The following ODAD2 variants were observed in gnomAD, a reference collection of about 807,000 sequenced individuals.
The protein encoded by ODAD2 is outer dynein arm-docking complex subunit 2.
ODAD2 carries 89 observed loss-of-function variants against 106.8 expected under a neutral mutation model. That is an observed-to-expected ratio of 0.83 (90% CI 0.70 to 0.99). The LOEUF is 0.99. Among genes scored for constraint, ODAD2 ranks in the 50% least tolerant of loss-of-function variants. ODAD2 has a pLI of 0.00. For synonymous variants in ODAD2, 404 were observed against 436.2 expected (o/e 0.93, Z 0.92); for missense variants, 1,168 against 1,238.5 (o/e 0.94, Z 0.85).
intron 10 of ODAD2, among the ~76,000 whole-genome samples, chr10:27,951,796 T>G: frequency 6.6e-6 from 1 of 152,030 alleles, no homozygotes; most frequent in Non-Finnish European, 1.5e-5. Context: ...GACATCCAGC[T>G]GGACACAGTG....
At chr10:27,990,727 C>A (rs1002887624) in intron 2 of ODAD2, among the ~76,000 whole-genome samples, 1 of 152,058 alleles carries the variant, frequency 6.6e-6, no homozygotes, top group African/African-American at 2.4e-5. Context: ...TTCATGATAT[C>A]GATCACAAAG....
At chr10:27,895,295 C>T (rs1479463197) in intron 17 of ODAD2, among the ~76,000 whole-genome samples, 1 of 152,064 alleles carries the variant, frequency 6.6e-6, no homozygotes, top group Non-Finnish European at 1.5e-5. Context: ...ACTATTTATA[C>T]TTTTATATTT....
intron 7 of ODAD2, among the ~76,000 whole-genome samples, chr10:27,978,623 T>A (rs1849338106): frequency 6.6e-6 from 1 of 151,658 alleles, no homozygotes; most frequent in Non-Finnish European, 1.5e-5. Context: ...GAAAACCCCA[T>A]CTCTACTAAA....
chr10:27,920,545 T>A (rs1266805891), intron 16 of ODAD2, among the ~76,000 whole-genome samples: 1 of 152,202 alleles, frequency 6.6e-6, no homozygotes, highest in East Asian at 1.9e-4. Context: ...TTCGGAAGAT[T>A]AAATGATTCA....
chr10:27,984,266 C>T lies in ODAD2; in HGVS notation c.600G>A (p.Thr200=), dbSNP rs1285807122. 2.5e-6 allele frequency: 4 copies of T among 1,612,646 alleles called. No individual in the cohort carries two copies. The highest frequency in any genetic ancestry group is 2.5e-6 in the Non-Finnish European group (3 of 1,178,838). ...ISLEISLSPM[T]VKKDIELLKR... is the part of the protein sequence containing the mutation. ...TGAGCAGTTCTATATCCTTCTTCAC[C>T]GTCATGGGACTTAAACTTATTTCTC... Residue 200 remains threonine (T), a synonymous_variant, in exon 5 of 20, where the codon ACG becomes ACA. Transcript: ENST00000305242.
intron 19 of ODAD2, among the ~76,000 whole-genome samples, chr10:27,851,455 A>G (rs1394791808): frequency 6.6e-6 from 1 of 152,146 alleles, no homozygotes; most frequent in Non-Finnish European, 1.5e-5. Flanking sequence ...TGGATTACAT[A>G]TGAGATTAGA....
Position 27,862,555 on chromosome 10 carries a change from T to A in ODAD2, c.2678A>T (p.Asp893Val). 6.2e-7 allele frequency: 1 copy of A among 1,611,438 alleles called. No individual in the cohort carries two copies. Among genetic ancestry groups the A allele is most frequent in the Non-Finnish European group, 8.5e-7 (1 of 1,178,852 alleles). Residue 893 changes from aspartate to valine, a missense_variant, in exon 18 of 20, where the codon GAT (aspartate) becomes GTT (valine). Around this residue, in one of 3 missense-constraint regions of ODAD2, gnomAD observed 701 missense variants for 712.3 expected, o/e 0.98. Coordinates refer to ENST00000305242, the MANE Select transcript of ODAD2 (RefSeq NM_018076.5). ...TACACTTGCCAGAACTTCTTTGTTA[T>A]CTGATTTCAGTAAATTGACAATAAG... ...LELIVNLLKS[D>V]NKEVLASVCA...
intron 16 of ODAD2, among the ~76,000 whole-genome samples, chr10:27,912,813 T>C (rs531537381): frequency 1.4e-4 from 22 of 152,080 alleles, no homozygotes; most frequent in Admixed American, 2.0e-4. Flanking sequence ...TTCAGTAAAA[T>C]GGGAAACATA....
chr10:27,970,101 A>T (rs551227607), intron 8 of ODAD2, among the ~76,000 whole-genome samples: 14 of 133,416 alleles, frequency 1.0e-4, no homozygotes, highest in Admixed American at 2.3e-4. Flanking sequence ...TCTGTCTCAA[A>T]AAATAAATAA....
At chr10:27,992,208 A>G (rs1452486014) in intron 2 of ODAD2, among the ~76,000 whole-genome samples, 1 of 152,212 alleles carries the variant, frequency 6.6e-6, no homozygotes, top group Non-Finnish European at 1.5e-5. Flanking sequence ...CTTCAAATAC[A>G]ACAGCAATAC....
At chr10:27,891,344 T>C (rs1842547906) in intron 17 of ODAD2, among the ~76,000 whole-genome samples, 3 of 152,112 alleles carry the variant, frequency 2.0e-5, no homozygotes, top group Admixed American at 6.5e-5. Context: ...AGCAGAACTT[T>C]AGGTCACTGG....
intron 19 of ODAD2, among the ~76,000 whole-genome samples, chr10:27,820,202 C>A (rs768176922): frequency 6.6e-6 from 1 of 152,126 alleles, no homozygotes; most frequent in Non-Finnish European, 1.5e-5. Flanking sequence ...ATGGCCCAGG[C>A]TCCACATGCC....
intron 17 of ODAD2, among the ~76,000 whole-genome samples, chr10:27,894,505 T>A (rs111856282): frequency 2.0e-5 from 3 of 152,210 alleles, no homozygotes; most frequent in African/African-American, 7.2e-5. Context: ...TGGGGAGCTA[T>A]GCTAAAATTT....
chr10:27,898,517 C>A lies in ODAD2; in HGVS notation c.2610+9146G>T, dbSNP rs569248933. ...TAGTATTCCTTAAATATATAGTGAT[C>A]TTTGTTTAAATTTATGAATGAAGGA... On this transcript the variant is annotated intron_variant, in intron 17 of 19. Transcript: ENST00000305242. 1.4e-4 allele frequency among the ~76,000 whole-genome samples: 22 copies of A among 152,118 alleles called. No homozygotes were observed. The East Asian group carries it at 2.1e-3, about 15-fold the overall frequency.
intron 18 of ODAD2, among the ~76,000 whole-genome samples, chr10:27,861,593 T>C (rs575009523): frequency 9.3e-4 from 142 of 152,374 alleles, no homozygotes; most frequent in Non-Finnish European, 1.7e-3. Flanking sequence ...ATATCAGTAA[T>C]ACACCTTGGT....
At position 27,944,246 on chromosome 10, in the gene ODAD2, C is replaced by T; in HGVS notation, c.1719G>A (p.Arg573=). Residue 573 remains arginine, a synonymous_variant, in exon 12 of 20, where the codon AGG becomes AGA. Transcript: ENST00000305242. ...AKFKRARRVV[R]QHGGITKLVA... is the part of the protein sequence containing the mutation. ...CCAGTTTGGTGATACCCCCGTGCTG[C>T]CTCACCACCCGCCGTGCTCTTTTAA... The T allele has an allele frequency of 1.2e-6, 2 of 1,613,156 alleles. No individual in the cohort carries two copies. Among genetic ancestry groups the T allele is most frequent in the Non-Finnish European group, 1.7e-6 (2 of 1,179,920 alleles).
intron 16 of ODAD2, among the ~76,000 whole-genome samples, chr10:27,913,029 G>A (rs1237599342): frequency 6.6e-6 from 1 of 152,150 alleles, no homozygotes; most frequent in African/African-American, 2.4e-5. Flanking sequence ...TGGAAAGCAG[G>A]AGGATAGCCT....
At chr10:27,881,266 T>C (rs190846315) in intron 17 of ODAD2, among the ~76,000 whole-genome samples, 13 of 152,298 alleles carry the variant, frequency 8.5e-5, no homozygotes, top group Admixed American at 5.9e-4. Flanking sequence ...TTTATTTGAT[T>C]CCACATGTCA....
intron 9 of ODAD2, among the ~76,000 whole-genome samples, chr10:27,963,652 A>G (rs1848298805): frequency 2.7e-5 from 4 of 146,200 alleles, no homozygotes; most frequent in African/African-American, 1.1e-4. Context: ...TAGACTATTT[A>G]TGGTCTTAAT....
Sources: gnomAD v4.1 joint callset for allele counts (sites outside exome capture counted in the v4.1 genomes callset) on GRCh38, gnomAD v4.1.1 for gene constraint, gnomAD v4.1.1 regional missense constraint, MANE v1.5 for transcripts, NCBI Gene and HGNC (gene_info 2026-07-23, HGNC 2026-07-21) for gene names.